Variants in LRCH2 observed in about 807,000 individuals in gnomAD.
LRCH2 encodes leucine-rich repeat and calponin homology domain-containing protein 2.
Under a neutral mutation model 68.9 loss-of-function variants are expected in LRCH2, and 38 were observed. The observed-to-expected ratio is 0.55, with a 90% CI of 0.43 to 0.72. LRCH2 has a LOEUF of 0.72. Ranked by LOEUF, LRCH2 falls within the 30% of genes least tolerant of loss-of-function variation. LRCH2 has a pLI of 0.00. For missense variants in LRCH2, 528 were observed against 572.9 expected (o/e 0.92, Z 0.80); for synonymous variants, 191 against 208.1 (o/e 0.92, Z 0.71).
At chrX:115,217,563 C>CT (rs1254105779) in intron 1 of LRCH2, among the ~76,000 whole-genome samples, 8 of 111,740 alleles carry the variant, frequency 7.2e-5, no homozygotes, top group African/African-American at 2.6e-4. Context: ...TGAACTCATC[C>CT]TTTTTTATGG....
intron 14 of LRCH2, among the ~76,000 whole-genome samples, chrX:115,147,969 G>GTGAGCCCAGAGGATGGCC (rs1207097755): frequency 1.5e-4 from 17 of 111,173 alleles, no homozygotes; most frequent in Non-Finnish European, 2.8e-4. Flanking sequence ...AGAGGATCAC[G>GTGAGCCCAGAGGATGGCC]TGAGCCCAGA....
chrX:115,177,215 G>C (rs2072657209), intron 5 of LRCH2, among the ~76,000 whole-genome samples: 1 of 108,752 alleles, frequency 9.2e-6, no homozygotes, highest in South Asian at 4.1e-4. Context: ...TGGGATTATA[G>C]GCATGAGCTA....
chrX:115,177,080 A>G lies in LRCH2; in HGVS notation c.864+2347T>C, dbSNP rs782602797. Among the ~76,000 whole-genome samples the G allele has an allele frequency of 2.3e-5, 2 of 86,226 alleles. 1 individual carries two copies. Among genetic ancestry groups the G allele is most frequent in the South Asian group, 1.2e-3 (2 of 1,610 alleles). 74.9% of individuals were successfully genotyped at this position (86,226 alleles called of 115,157 possible). A position where few individuals can be genotyped will look rare whatever the true frequency, so the allele number is the denominator to read the frequency against. ...TTTTTTTTTTTTTTTTTTTAAAGAC[A>G]GAGTCTCACTCTGCTGTCTAGGCTG... On this transcript the variant is annotated intron_variant, in intron 5 of 20. Coordinates refer to ENST00000317135, the MANE Select transcript of LRCH2 (RefSeq NM_020871.4).
chrX:115,151,725 T>G (rs1326824036), intron 12 of LRCH2, among the ~76,000 whole-genome samples: 1 of 111,584 alleles, frequency 9.0e-6, no homozygotes, highest in East Asian at 2.8e-4. Context: ...AAATTATGCC[T>G]TCCATGACAT....
At chrX:115,117,602 T>C (rs1556524463) in intron 20 of LRCH2, among the ~76,000 whole-genome samples, 3 of 111,497 alleles carry the variant, frequency 2.7e-5, no homozygotes, top group Non-Finnish European at 5.7e-5. Context: ...AATAAAATAC[T>C]ATCCAGAAAT....
intron 20 of LRCH2, among the ~76,000 whole-genome samples, chrX:115,116,085 C>T (rs781936592): frequency 9.0e-6 from 1 of 111,017 alleles, no homozygotes; most frequent in African/African-American, 3.2e-5. Context: ...AAATTAGAAC[C>T]CTCATATATT....
At position 115,150,077 on chromosome X, in the gene LRCH2, A is replaced by C; in HGVS notation, c.1530-7T>G. The C allele has an allele frequency of 8.8e-7, 1 of 1,132,258 alleles. No individual in the cohort carries two copies. Among genetic ancestry groups the C allele is most frequent in the Admixed American group, 2.6e-5 (1 of 38,933 alleles). 93.3% of individuals were successfully genotyped at this position (1,132,258 alleles called of 1,213,427 possible). A position where few individuals can be genotyped will look rare whatever the true frequency, so the allele number is the denominator to read the frequency against. On this transcript the variant is annotated splice_region_variant and splice_polypyrimidine_tract_variant and intron_variant, in intron 12 of 20. Transcript: ENST00000317135. ...AACTTCATCTGCTGAGACACTAAAAAATTGAAGATGCCTTAATACGTTAAA... is the reference window on the plus strand; with the variant it reads ...AACTTCATCTGCTGAGACACTAAAACATTGAAGATGCCTTAATACGTTAAA...
intron 14 of LRCH2, among the ~76,000 whole-genome samples, chrX:115,140,091 G>A (rs2072323614): frequency 9.0e-6 from 1 of 111,190 alleles, no homozygotes; most frequent in African/African-American, 3.3e-5. Context: ...CAATGAGAAA[G>A]AGACCCCTTC....
At chrX:115,117,175 T>C (rs1444032765) in intron 20 of LRCH2, among the ~76,000 whole-genome samples, 1 of 111,527 alleles carries the variant, frequency 9.0e-6, no homozygotes, top group Non-Finnish European at 1.9e-5. Context: ...AGGTGGCAAA[T>C]AAGCCTTGAA....
intron 11 of LRCH2, among the ~76,000 whole-genome samples, chrX:115,159,237 A>T (rs188572513): frequency 1.7e-3 from 189 of 110,742 alleles, no homozygotes; most frequent in Non-Finnish European, 3.1e-3. Flanking sequence ...GATCCCTAGA[A>T]CTTACTCATC....
Position 115,165,631 on chromosome X carries a change from T to C in LRCH2, c.1223A>G (p.Asp408Gly). ...AACTGCTACATCTTCTGTGTTGGGG[T>C]CAACAAAATCATATACCTCCTGGTC... Reference protein sequence around the residue: ...QKDQEVYDFVDPNTEDVAVPE... With the variant: ...QKDQEVYDFVGPNTEDVAVPE... The change falls in exon 9 of 21, where the codon GAC becomes GGC. Residue 408 changes from aspartate (D) to glycine (G), a missense_variant. By Grantham distance (94) the Asp-to-Gly change is moderately conservative. Coordinates refer to ENST00000317135, the MANE Select transcript of LRCH2 (RefSeq NM_020871.4). The C allele has an allele frequency of 8.6e-7, 1 of 1,159,541 alleles. No individual in the cohort carries two copies. The highest frequency in any genetic ancestry group is 1.9e-5 in the South Asian group (1 of 51,762).
intron 14 of LRCH2, among the ~76,000 whole-genome samples, chrX:115,142,056 A>G (rs1556534497): frequency 2.7e-5 from 3 of 111,626 alleles, no homozygotes; most frequent in Non-Finnish European, 5.6e-5. Flanking sequence ...ATAAAAATGA[A>G]CAAGAGACAA....
intron 2 of LRCH2, among the ~76,000 whole-genome samples, chrX:115,185,565 C>T (rs2072725176): frequency 8.9e-6 from 1 of 111,740 alleles, no homozygotes; most frequent in African/African-American, 3.2e-5. Flanking sequence ...CATTTATAGA[C>T]CTATACCTAG....
At chrX:115,192,086 G>T in intron 1 of LRCH2, 1 of 1,167,357 alleles carries the variant, frequency 8.6e-7, no homozygotes, top group Non-Finnish European at 1.1e-6. Flanking sequence ...GATGCCCACA[G>T]CGGGGACCAC....
At chrX:115,114,923 T>C (rs919140674) in intron 20 of LRCH2, among the ~76,000 whole-genome samples, 12 of 109,968 alleles carry the variant, frequency 1.1e-4, no homozygotes, top group African/African-American at 3.6e-4. Flanking sequence ...CAATAAAAAA[T>C]TGACAGTGGA....
intron 1 of LRCH2, among the ~76,000 whole-genome samples, chrX:115,211,438 G>C (rs144374148): frequency 9.0e-6 from 1 of 111,678 alleles, no homozygotes; most frequent in African/African-American, 3.3e-5. Context: ...ACGTGGAACT[G>C]TAAGTCCAAC....
At chrX:115,143,028 G>A (rs2072352974) in intron 14 of LRCH2, among the ~76,000 whole-genome samples, 1 of 110,987 alleles carries the variant, frequency 9.0e-6, no homozygotes, top group Non-Finnish European at 1.9e-5. Context: ...ACCCTGGGAG[G>A]TCAAGGCTGC....
At chrX:115,210,897 G>T (rs1307169207) in intron 1 of LRCH2, among the ~76,000 whole-genome samples, 6 of 111,966 alleles carry the variant, frequency 5.4e-5, no homozygotes, top group Non-Finnish European at 9.4e-5. Context: ...TTTCAAACTT[G>T]CACAAGGCCT....
At chrX:115,232,315 C>T (rs974170093) in intron 1 of LRCH2, among the ~76,000 whole-genome samples, 3 of 109,169 alleles carry the variant, frequency 2.7e-5, no homozygotes, top group Non-Finnish European at 5.7e-5. Flanking sequence ...CAGTCTGAAA[C>T]TGTTTTACTT....
Sources: gnomAD v4.1 joint callset for allele counts (sites outside exome capture counted in the v4.1 genomes callset) on GRCh38, gnomAD v4.1.1 for gene constraint, MANE v1.5 for transcripts, NCBI Gene and HGNC (gene_info 2026-07-23, HGNC 2026-07-21) for gene names.